The following SLC44A5 variants were observed in gnomAD, a reference collection of about 807,000 sequenced individuals.
SLC44A5 encodes the protein choline transporter-like protein 5.
SLC44A5 carries 57 observed loss-of-function variants against 101.8 expected under a neutral mutation model. The ratio of observed to expected loss-of-function variants is 0.56; its 90% confidence interval spans 0.45 to 0.70. The LOEUF is 0.70. Ranked by LOEUF, SLC44A5 falls within the 30% of genes least tolerant of loss-of-function variation. SLC44A5 has a pLI of 0.00. For synonymous variants in SLC44A5, 281 were observed against 290.9 expected (o/e 0.97, Z 0.35); for missense variants, 737 against 853.1 (o/e 0.86, Z 1.70).
At chr1:75,681,625 T>C in the SLC44A5 span, among the ~76,000 whole-genome samples, 12 of 150,398 alleles carry the variant, frequency 8.0e-5, no homozygotes, top group Admixed American at 2.0e-4. Context: ...ATAAGAGCTA[T>C]CTATGACAAA....
chr1:75,692,424 T>C, the SLC44A5 span, among the ~76,000 whole-genome samples: 3 of 151,994 alleles, frequency 2.0e-5, no homozygotes, highest in Admixed American at 6.6e-5. Flanking sequence ...CTCAATCTCC[T>C]GACCTTGTGA....
intron 4 of SLC44A5, among the ~76,000 whole-genome samples, chr1:75,306,891 C>G (rs1028731786): frequency 2.0e-5 from 3 of 151,706 alleles, no homozygotes; most frequent in Admixed American, 2.0e-4. Flanking sequence ...CCCGCCATCA[C>G]GCCCGGCTAA....
At chr1:75,665,308 T>C in the SLC44A5 span, among the ~76,000 whole-genome samples, 1 of 152,120 alleles carries the variant, frequency 6.6e-6, no homozygotes, top group African/African-American at 2.4e-5. Flanking sequence ...CACACACCTA[T>C]AGTCACTTGA....
intron 1 of SLC44A5, among the ~76,000 whole-genome samples, chr1:75,545,452 C>G (rs1570580267): frequency 6.6e-6 from 1 of 152,176 alleles, no homozygotes; most frequent in South Asian, 2.1e-4. Context: ...CCCTTTGGTT[C>G]TGTATGATGT....
intron 4 of SLC44A5, among the ~76,000 whole-genome samples, chr1:75,301,877 A>AT (rs1025099444): frequency 1.6e-4 from 25 of 152,190 alleles, no homozygotes; most frequent in African/African-American, 5.8e-4. Flanking sequence ...TATGATTGTA[A>AT]TTTTCTGCAA....
chr1:75,298,673 T>G (rs1654185343), intron 5 of SLC44A5, among the ~76,000 whole-genome samples: 2 of 152,112 alleles, frequency 1.3e-5, no homozygotes, highest in African/African-American at 2.4e-5. Flanking sequence ...AGTGGAAAGA[T>G]TCTGGTCACA....
rs1015346111 is a variant in SLC44A5, at chr1:75,376,006, G to A, written c.52+20577C>T. ...CACCGTGTGCGAGCCGAAGCAGGGC[G>A]AGGCATTGCCTCACTTGGGAAGTGC... On this transcript the variant is annotated intron_variant, in intron 3 of 23. Coordinates refer to ENST00000370859, the MANE Select transcript of SLC44A5 (RefSeq NM_001130058.2). Among the ~76,000 whole-genome samples the A allele has an allele frequency of 3.3e-5, 5 of 152,226 alleles. No individual in the cohort carries two copies. The South Asian group carries it at 8.3e-4, about 25-fold the overall frequency.
At chr1:75,272,769 C>T (rs888980970) in intron 6 of SLC44A5, among the ~76,000 whole-genome samples, 14 of 152,036 alleles carry the variant, frequency 9.2e-5, no homozygotes, top group Non-Finnish European at 1.6e-4. Context: ...TATATCAGTA[C>T]CATGCTGTTT....
chr1:75,578,856 G>GAT lies in SLC44A5; in HGVS notation c.-70+32182_-70+32183dup, dbSNP rs891244723. Among the ~76,000 whole-genome samples, 11 of 151,996 alleles carry GAT rather than the reference G, an allele frequency of 7.2e-5. 1 individual carries two copies. In the South Asian group the frequency reaches 1.5e-3, roughly 20 times the overall value. On this transcript the variant is annotated intron_variant, in intron 1 of 23. Coordinates refer to ENST00000370859, the MANE Select transcript of SLC44A5 (RefSeq NM_001130058.2). ...GGCTTGATTTAATCATTTTTCAATGGATATATATATAAAATATGCTGTACA... is the reference window on the plus strand; with the variant it reads ...GGCTTGATTTAATCATTTTTCAATGGATATATATATATAAAATATGCTGTACA...
the SLC44A5 span, among the ~76,000 whole-genome samples, chr1:75,645,264 T>G: frequency 6.6e-6 from 1 of 152,200 alleles, no homozygotes; most frequent in Non-Finnish European, 1.5e-5. Context: ...GTGTTCCTGT[T>G]TCTCCACATC....
intron 5 of SLC44A5, among the ~76,000 whole-genome samples, chr1:75,279,396 C>T (rs1652202095): frequency 6.6e-6 from 1 of 152,094 alleles, no homozygotes; most frequent in Non-Finnish European, 1.5e-5. Flanking sequence ...CTTGAAGGCA[C>T]ATCCTCCACC....
chr1:75,270,022 T>C (rs1301057393), intron 6 of SLC44A5, among the ~76,000 whole-genome samples: 1 of 152,158 alleles, frequency 6.6e-6, no homozygotes, highest in Non-Finnish European at 1.5e-5. Context: ...CTGTCTTGTC[T>C]GCCACCGTGT....
In SLC44A5 at chr1:75,215,872, T is replaced by A; in HGVS notation, c.1625-15A>T. On this transcript the variant is annotated splice_polypyrimidine_tract_variant and intron_variant, in intron 18 of 23. Coordinates refer to ENST00000370859, the MANE Select transcript of SLC44A5 (RefSeq NM_001130058.2). ...GTTCTGGGTACCTATGAGAAGGAGA[T>A]ATTTAAATCTATTAATGATTTGCAG... The A allele has an allele frequency of 6.4e-5, 74 of 1,159,406 alleles. No individual in the cohort carries two copies. The highest frequency in any genetic ancestry group is 8.9e-5 in the Non-Finnish European group (69 of 773,976). The allele number at this position is 1,159,406 out of a possible 1,614,324, so 71.8% of individuals were successfully genotyped here.
At chr1:75,651,865 G>A in the SLC44A5 span, among the ~76,000 whole-genome samples, 1 of 151,986 alleles carries the variant, frequency 6.6e-6, no homozygotes, top group African/African-American at 2.4e-5. Context: ...GGAACGTCAG[G>A]CGACCATCAG....
chr1:75,712,315 C>A, the SLC44A5 span, among the ~76,000 whole-genome samples: 2 of 152,220 alleles, frequency 1.3e-5, no homozygotes, highest in Non-Finnish European at 2.9e-5. Flanking sequence ...AAAGGTCTAT[C>A]TGTGGTTCCA....
intron 19 of SLC44A5, 64 bp from the exon 20 acceptor site, chr1:75,214,742 T>A: frequency 7.4e-7 from 1 of 1,346,908 alleles, no homozygotes; most frequent in Non-Finnish European, 1.0e-6. Flanking sequence ...CAAAAGACAA[T>A]CCAATGACAG....
chr1:75,543,060 A>G (rs1385759068), intron 1 of SLC44A5, among the ~76,000 whole-genome samples: 2 of 152,164 alleles, frequency 1.3e-5, no homozygotes, highest in African/African-American at 2.4e-5. Flanking sequence ...CAAAGGAGGA[A>G]TTCCATGTTT....
At chr1:75,645,478 GT>G in the SLC44A5 span, among the ~76,000 whole-genome samples, 1 of 151,692 alleles carries the variant, frequency 6.6e-6, no homozygotes, top group Admixed American at 6.6e-5. Flanking sequence ...GGGGTTGTTT[GT>G]TTTTTTCTTG....
At chr1:75,367,359 G>A (rs1159959426) in intron 3 of SLC44A5, among the ~76,000 whole-genome samples, 1 of 152,166 alleles carries the variant, frequency 6.6e-6, no homozygotes, top group African/African-American at 2.4e-5. Flanking sequence ...CTAAGCAGAT[G>A]AGACTGTCTC....
Sources: allele counts gnomAD v4.1 joint callset (sites outside exome capture counted in the v4.1 genomes callset), GRCh38; gene constraint gnomAD v4.1.1; transcripts MANE v1.5; gene names NCBI Gene and HGNC (gene_info 2026-07-23, HGNC 2026-07-21).